The following MEGF10 variants were observed in gnomAD, a reference collection of about 807,000 sequenced individuals.
The protein encoded by MEGF10 is multiple epidermal growth factor-like domains protein 10.
MEGF10 carries 86 observed loss-of-function variants against 147.5 expected under a neutral mutation model. That is an observed-to-expected ratio of 0.58 (90% CI 0.49 to 0.70). The LOEUF (loss-of-function observed/expected upper bound fraction) is 0.70. Ranked by LOEUF, MEGF10 falls within the 30% of genes least tolerant of loss-of-function variation. MEGF10 has a pLI of 0.00. For synonymous variants in MEGF10, 478 were observed against 525.5 expected, an observed-to-expected ratio of 0.91 and a Z score of 1.24; for missense variants, 1,329 against 1,487.3, an observed-to-expected ratio of 0.89 and a Z score of 1.75.
chr5:127,300,069 T>C (rs1230258205), intron 1 of MEGF10: 2 of 152,214 alleles, frequency 1.3e-5, no homozygotes, highest in Non-Finnish European at 2.9e-5. Context: ...ATTTTCTTCA[T>C]TATGTTTTCA....
rs138034219 is a variant in MEGF10 at position 127,445,669 on chromosome 5, G to A, written c.2704G>A (p.Val902Ile). 9.7e-5 allele frequency: 157 copies of A among 1,613,782 alleles called. No homozygotes were observed. Among genetic ancestry groups the A allele is most frequent in the South Asian group, 9.1e-4 (83 of 91,066 alleles). The change falls in exon 20 of 25, where the codon GTC becomes ATC. Residue 902 changes from valine (V) to isoleucine (I), a missense_variant. This residue lies in a region of MEGF10 where 343 missense variants were observed against 377.9 expected (regional missense o/e 0.91). Coordinates refer to ENST00000503335, the MANE Select transcript of MEGF10 (RefSeq NM_001256545.2). ...TACCTACACCCCTGCTATGAGGGTC[G>A]TCAATGCAGATTATACCATTTCAGG... ...AVTYTPAMRV[V>I]NADYTISGTL...
chr5:127,347,742 A>G (rs1163649587), intron 4 of MEGF10, among the ~76,000 whole-genome samples: 1 of 152,064 alleles, frequency 6.6e-6, no homozygotes, highest in African/African-American at 2.4e-5. Context: ...AATAAAAAAA[A>G]GTTCAGTTCA....
At chr5:127,368,058 C>G (rs567449392) in intron 4 of MEGF10, among the ~76,000 whole-genome samples, 1 of 152,230 alleles carries the variant, frequency 6.6e-6, no homozygotes, top group African/African-American at 2.4e-5. Flanking sequence ...AAGACCAGTA[C>G]CTTGTGCTTA....
chr5:127,391,102 G>GCGCGCGCGCGCGCACACA (rs1426600414), intron 5 of MEGF10, among the ~76,000 whole-genome samples: 2 of 53,894 alleles, frequency 3.7e-5, no homozygotes, highest in Non-Finnish European at 1.0e-4. Flanking sequence ...GCGCGCGCGC[G>GCGCGCGCGCGCGCACACA]CACACACACA....
At chr5:127,410,302 T>C (rs1764503943) in intron 8 of MEGF10, 87 bp from the exon 9 acceptor site, 3 of 1,263,966 alleles carry the variant, frequency 2.4e-6, no homozygotes, top group Non-Finnish European at 2.3e-6. Context: ...CTTCGATTTA[T>C]GCATAACAAA....
Position 127,404,801 on chromosome 5 carries a change from C to T in MEGF10, c.917+2119C>T, listed in dbSNP as rs143951605. ...CATGATCTCGGCTCACCACAACTTC[C>T]ATCTCCCAGGTTCAAGCAATTCTTC... is the stretch of plus-strand genomic sequence containing the variant. On this transcript the variant is annotated intron_variant, in intron 8 of 24. Transcript: ENST00000503335. 9.9e-4 allele frequency among the ~76,000 whole-genome samples: 151 copies of T among 152,038 alleles called. 2 individuals are homozygous for T. In the East Asian group the frequency reaches 0.028, roughly 28 times the overall value.
At chr5:127,259,447 G>A in the MEGF10 span, among the ~76,000 whole-genome samples, 2 of 152,198 alleles carry the variant, frequency 1.3e-5, no homozygotes, top group Non-Finnish European at 2.9e-5. Context: ...AAAGGGGGGA[G>A]AGTGTGGTCT....
At chr5:127,239,015 T>C in the MEGF10 span, among the ~76,000 whole-genome samples, 1 of 151,890 alleles carries the variant, frequency 6.6e-6, no homozygotes, top group South Asian at 2.1e-4. Flanking sequence ...TATGCGATAG[T>C]ACTGCCAAAA....
rs1039962218 is a variant in MEGF10 at position 127,316,835 on chromosome 5, G to A, written c.-18-14456G>A. Among the ~76,000 whole-genome samples, 20 of 152,162 alleles carry A rather than the reference G, an allele frequency of 1.3e-4. 1 individual carries two copies. ...CGAAGAACACATCAGCTACTCTTGG[G>A]ATGTTTCAGGGTGTTACAGGAGCAA... On this transcript the variant is annotated intron_variant, in intron 1 of 24. Transcript: ENST00000503335.
the MEGF10 span, among the ~76,000 whole-genome samples, chr5:127,241,882 A>G: frequency 6.6e-6 from 1 of 152,156 alleles, no homozygotes; most frequent in South Asian, 2.1e-4. Context: ...CAAAGGCTAT[A>G]ATTTCCCTCT....
At chr5:127,371,036 G>T (rs895659040) in intron 5 of MEGF10, among the ~76,000 whole-genome samples, 6 of 152,134 alleles carry the variant, frequency 3.9e-5, no homozygotes, top group Non-Finnish European at 8.8e-5. Flanking sequence ...GAATTGGGGA[G>T]ATTATTCTTT....
intron 4 of MEGF10, among the ~76,000 whole-genome samples, chr5:127,347,488 A>C (rs1285970872): frequency 6.6e-6 from 1 of 152,050 alleles, no homozygotes; most frequent in South Asian, 2.1e-4. Context: ...CTTTTTTGTT[A>C]TATACATTAA....
the MEGF10 span, among the ~76,000 whole-genome samples, chr5:127,283,044 C>A: frequency 6.6e-6 from 1 of 152,208 alleles, no homozygotes; most frequent in African/African-American, 2.4e-5. Context: ...GGCCTCCCAG[C>A]TGCCCTCTCT....
chr5:127,272,581 G>A, the MEGF10 span, among the ~76,000 whole-genome samples: 1 of 152,118 alleles, frequency 6.6e-6, no homozygotes, highest in Non-Finnish European at 1.5e-5. Flanking sequence ...TTTTCCATTT[G>A]TTTCTGTCCT....
the MEGF10 span, among the ~76,000 whole-genome samples, chr5:127,258,630 T>C: frequency 6.6e-6 from 1 of 152,162 alleles, no homozygotes; most frequent in Non-Finnish European, 1.5e-5. Flanking sequence ...GCCATTGTGA[T>C]GGTACTGGAA....
chr5:127,305,956 C>T (rs571060353), intron 1 of MEGF10, among the ~76,000 whole-genome samples: 2 of 152,254 alleles, frequency 1.3e-5, no homozygotes, highest in African/African-American at 4.8e-5. Flanking sequence ...GAAGCTCGAG[C>T]ATGTGCTTAT....
the MEGF10 span, among the ~76,000 whole-genome samples, chr5:127,273,697 AC>A: frequency 6.6e-6 from 1 of 152,176 alleles, no homozygotes; most frequent in Non-Finnish European, 1.5e-5. Context: ...GGTCTTAATT[AC>A]ATGATAAGGT....
In MEGF10 at chr5:127,410,480, G is replaced by A. The variant is rs779799530; in HGVS notation, c.1009G>A (p.Gly337Ser). ...CGGAGGGAAGTGTTACCACGTGAGCGGCGCATGCCTCTGTGAAGCAGGCTT... is the reference window on the plus strand; with the variant it reads ...CGGAGGGAAGTGTTACCACGTGAGCAGCGCATGCCTCTGTGAAGCAGGCTT... ...VNGGKCYHVS[G>S]ACLCEAGFAG... Residue 337 changes from glycine (G) to serine (S), a missense_variant, in exon 9 of 25, where the codon GGC (glycine) becomes AGC (serine). Gly to Ser is a moderately conservative substitution (Grantham distance 56, BLOSUM62 0). Around this residue, in one of 3 missense-constraint regions of MEGF10, gnomAD observed 980 missense variants for 1,085.9 expected, o/e 0.90. Coordinates refer to ENST00000503335, the MANE Select transcript of MEGF10 (RefSeq NM_001256545.2). 34 of 1,614,072 alleles carry A rather than the reference G, an allele frequency of 2.1e-5. No homozygotes were observed. In the African/African-American group the frequency reaches 2.4e-4, roughly 11 times the overall value.
At chr5:127,404,835 C>T (rs941365163) in intron 8 of MEGF10, among the ~76,000 whole-genome samples, 17 of 151,962 alleles carry the variant, frequency 1.1e-4, no homozygotes, top group African/African-American at 3.6e-4. Flanking sequence ...TCTGCCTCAG[C>T]CTCCCTAGTA....
Sources: allele counts gnomAD v4.1 joint callset (sites outside exome capture counted in the v4.1 genomes callset), GRCh38; gene constraint gnomAD v4.1.1; regional missense constraint gnomAD v4.1.1; transcripts MANE v1.5; gene names NCBI Gene and HGNC (gene_info 2026-07-23, HGNC 2026-07-21).